Variants in SLC17A6 observed in about 807,000 individuals in gnomAD.
The protein encoded by SLC17A6 is vesicular glutamate transporter 2.
SLC17A6 carries 35 observed loss-of-function variants against 67.1 expected under a neutral mutation model. The observed-to-expected ratio is 0.52, with a 90% CI of 0.40 to 0.69. SLC17A6 has a LOEUF of 0.69. SLC17A6 is among the 30% of genes least tolerant of loss of function. The probability of loss-of-function intolerance (pLI) is 0.00; values close to 1 mark genes in which losing one functional copy is unlikely to be tolerated. For synonymous variants in SLC17A6, 285 were observed against 252.3 expected, an observed-to-expected ratio of 1.13 and a Z score of -1.23; for missense variants, 588 against 723.9, an observed-to-expected ratio of 0.81 and a Z score of 2.15.
intron 3 of SLC17A6, among the ~76,000 whole-genome samples, chr11:22,349,965 C>T (rs959452340): frequency 6.6e-6 from 1 of 152,102 alleles, no homozygotes; most frequent in African/African-American, 2.4e-5. Context: ...ATCCACTGCC[C>T]AAATGGAAGT....
chr11:22,355,135 T>C (rs963277370), intron 3 of SLC17A6, among the ~76,000 whole-genome samples: 16 of 152,274 alleles, frequency 1.1e-4, no homozygotes, highest in Non-Finnish European at 2.1e-4. Flanking sequence ...TCCCATTGTT[T>C]AGATGAGAAA....
Position 22,356,167 on chromosome 11 carries a change from G to A in SLC17A6, c.459-3246G>A, listed in dbSNP as rs1197387450. Among the ~76,000 whole-genome samples the A allele has an allele frequency of 2.0e-5, 3 of 152,152 alleles. No homozygotes were observed. The East Asian group carries it at 5.8e-4, about 29-fold the overall frequency. On this transcript the variant is annotated intron_variant, in intron 3 of 11. Coordinates refer to ENST00000263160, the MANE Select transcript of SLC17A6 (RefSeq NM_020346.3). Reference sequence around the variant, plus strand: ...GTGTAACAACTCAGAGAGTTGTTGTGAGAATTAAATGAGTCAATACAAATG... The same window carrying A: ...GTGTAACAACTCAGAGAGTTGTTGTAAGAATTAAATGAGTCAATACAAATG...
chr11:22,369,725 TG>T (rs964520445), intron 7 of SLC17A6, among the ~76,000 whole-genome samples: 2 of 151,198 alleles, frequency 1.3e-5, no homozygotes, highest in Non-Finnish European at 3.0e-5. Flanking sequence ...ATAAAACAAA[TG>T]GAAAAAAAAA....
intron 5 of SLC17A6, chr11:22,362,213 T>C: frequency 2.2e-6 from 1 of 457,818 alleles, no homozygotes; most frequent in South Asian, 1.9e-5. Flanking sequence ...CGTGATAACT[T>C]ACCTTGATGA....
At chr11:22,341,131 G>A (rs1310447057) in intron 1 of SLC17A6, among the ~76,000 whole-genome samples, 1 of 152,110 alleles carries the variant, frequency 6.6e-6, no homozygotes, top group Non-Finnish European at 1.5e-5. Flanking sequence ...GCGTGTAGGA[G>A]TGGGAGGCGC....
intron 3 of SLC17A6, among the ~76,000 whole-genome samples, chr11:22,351,291 T>C (rs1029449120): frequency 7.9e-5 from 12 of 152,132 alleles, no homozygotes; most frequent in Admixed American, 6.6e-5. Context: ...GTCATGTGGA[T>C]AGATTGTGTA....
chr11:22,359,439 C>A lies in SLC17A6; in HGVS notation c.485C>A (p.Thr162Asn). The change falls in exon 4 of 12, where the codon ACC (threonine) becomes AAC (asparagine). Residue 162 changes from threonine to asparagine, a missense_variant. Thr to Asn is a moderately conservative substitution (Grantham distance 65, BLOSUM62 0). Coordinates refer to ENST00000263160, the MANE Select transcript of SLC17A6 (RefSeq NM_020346.3). Reference protein sequence around the residue: ...NRVFGAAILLTSTLNMLIPSA... With the variant: ...NRVFGAAILLNSTLNMLIPSA... ...GTTTTCGGAGCTGCCATACTTCTTA[C>A]CTCTACCCTAAATATGCTAATTCCA... 6.3e-7 allele frequency: 1 copy of A among 1,596,524 alleles called. No individual in the cohort carries two copies. Among genetic ancestry groups the A allele is most frequent in the Non-Finnish European group, 8.5e-7 (1 of 1,171,106 alleles).
chr11:22,346,628 C>T (rs1283819510), intron 3 of SLC17A6, among the ~76,000 whole-genome samples: 1 of 149,918 alleles, frequency 6.7e-6, no homozygotes, highest in African/African-American at 2.5e-5. Context: ...AAGATGAGAA[C>T]ATATTAATAT....
chr11:22,369,028 G>A (rs184358466), intron 7 of SLC17A6, among the ~76,000 whole-genome samples: 303 of 152,018 alleles, frequency 2.0e-3, no homozygotes, highest in African/African-American at 6.9e-3. Context: ...TTCCATTCAG[G>A]AATAATTGTT....
intron 8 of SLC17A6, 65 bp from the exon 9 acceptor site, chr11:22,374,690 G>A: frequency 7.6e-7 from 1 of 1,322,756 alleles, no homozygotes; most frequent in South Asian, 1.6e-5. Flanking sequence ...CAGAAACAAA[G>A]GCCATTAAAT....
chr11:22,371,396 G>C (rs760838613), intron 8 of SLC17A6, among the ~76,000 whole-genome samples: 1 of 151,982 alleles, frequency 6.6e-6, no homozygotes, highest in African/African-American at 2.4e-5. Context: ...TGTAATTCCT[G>C]TTTCTAAGGA....
At chr11:22,347,132 C>T (rs75174939) in intron 3 of SLC17A6, among the ~76,000 whole-genome samples, 1 of 151,574 alleles carries the variant, frequency 6.6e-6, no homozygotes, top group East Asian at 1.9e-4. Context: ...TAGTTTTGCC[C>T]ATGTTGTTGT....
intron 3 of SLC17A6, among the ~76,000 whole-genome samples, chr11:22,351,465 A>G (rs1282200837): frequency 6.6e-6 from 1 of 152,180 alleles, no homozygotes; most frequent in Non-Finnish European, 1.5e-5. Flanking sequence ...AGGCAGGCAT[A>G]CTGATACTTC....
In SLC17A6 at chr11:22,344,177, C is replaced by A. The variant is rs112380501; in HGVS notation, c.458+812C>A. On this transcript the variant is annotated intron_variant, in intron 3 of 11. Coordinates refer to ENST00000263160, the MANE Select transcript of SLC17A6 (RefSeq NM_020346.3). ...GCTCTTCACGTCTGAATTGTTGAAC[C>A]CACACAGAACACATGCACCAGCTCT... 3.3e-3 allele frequency among the ~76,000 whole-genome samples: 500 copies of A among 152,244 alleles called. 2 individuals are homozygous for A. Among genetic ancestry groups the A allele is most frequent in the African/African-American group, 0.012 (480 of 41,544 alleles).
chr11:22,343,504 T>C (rs1055796776), intron 3 of SLC17A6, 139 bp downstream of exon 3: 2 of 642,164 alleles, frequency 3.1e-6, no homozygotes, highest in Admixed American at 3.4e-5. Flanking sequence ...TGACACACCC[T>C]CTCAGGGCTG....
At position 22,339,187 on chromosome 11, in the gene SLC17A6, A is replaced by ATATGTTT. The variant is rs1564976586; in HGVS notation, c.86+571_86+572insGTTTTAT. Among the ~76,000 whole-genome samples the ATATGTTT allele has an allele frequency of 1.8e-3, 160 of 87,366 alleles. 10 individuals carry two copies. The highest frequency in any genetic ancestry group is 5.2e-3 in the Middle Eastern group (1 of 194). 57.3% of individuals were successfully genotyped at this position (87,366 alleles called of 152,430 possible). A position where few individuals can be genotyped will look rare whatever the true frequency, so the allele number is the denominator to read the frequency against. Reference sequence around the variant, plus strand: ...TATGTTATATATATATGTTTTATATATATATATATATATATATGTTAGAGA... The same window carrying ATATGTTT: ...TATGTTATATATATATGTTTTATATATATGTTTTATATATATATATATATGTTAGAGA... On this transcript the variant is annotated intron_variant, in intron 1 of 11. Coordinates refer to ENST00000263160, the MANE Select transcript of SLC17A6 (RefSeq NM_020346.3).
rs548798821 is a variant in SLC17A6, at chr11:22,379,498, T to A, written c.*1758T>A. On this transcript the variant is annotated 3_prime_UTR_variant, in exon 12 of 12. Coordinates refer to ENST00000263160, the MANE Select transcript of SLC17A6 (RefSeq NM_020346.3). Reference sequence around the variant, plus strand: ...TAAAATGCTCTATTTATCCTTTTTTTAAAAAGCAGTGCATTAATCATACAT... The same window carrying A: ...TAAAATGCTCTATTTATCCTTTTTTAAAAAAGCAGTGCATTAATCATACAT... The A allele has an allele frequency of 6.7e-6, 1 of 148,540 alleles. No homozygotes were observed. The highest frequency in any genetic ancestry group is 2.5e-5 in the African/African-American group (1 of 39,668). 9.2% of individuals were successfully genotyped at this position (148,540 alleles called of 1,614,324 possible). A position where few individuals can be genotyped will look rare whatever the true frequency, so the allele number is the denominator to read the frequency against.
At chr11:22,354,321 C>T (rs985875114) in intron 3 of SLC17A6, among the ~76,000 whole-genome samples, 8 of 152,156 alleles carry the variant, frequency 5.3e-5, no homozygotes, top group South Asian at 2.1e-4. Context: ...TGACCTCAGG[C>T]GATCCACCCA....
chr11:22,376,368 A>G (rs767063296), intron 10 of SLC17A6, among the ~76,000 whole-genome samples, 177 bp from the exon 11 acceptor site: 18 of 152,164 alleles, frequency 1.2e-4, no homozygotes, highest in Non-Finnish European at 2.6e-4. Flanking sequence ...TAAGTATTAG[A>G]TAAGAATTCA....
Sources: allele counts gnomAD v4.1 joint callset (sites outside exome capture counted in the v4.1 genomes callset), GRCh38; gene constraint gnomAD v4.1.1; transcripts MANE v1.5; gene names NCBI Gene and HGNC (gene_info 2026-07-23, HGNC 2026-07-21).